SUCLG2: variants seen among roughly 807,000 people sequenced by gnomAD.
SUCLG2 encodes succinate-CoA ligase GDP-forming subunit beta.
Under a neutral mutation model 47.9 loss-of-function variants are expected in SUCLG2, and 42 were observed. The observed-to-expected ratio is 0.88, with a 90% CI of 0.69 to 1.14. SUCLG2 has a LOEUF of 1.14. Ranked by LOEUF, SUCLG2 falls within the 50% of genes most tolerant of loss-of-function variation. The probability of loss-of-function intolerance (pLI) is 0.00; values close to 1 mark genes in which losing one functional copy is unlikely to be tolerated. For synonymous variants in SUCLG2, 195 were observed against 197.3 expected (o/e 0.99, Z 0.10); for missense variants, 571 against 525.9 (o/e 1.09, Z -0.84).
intron 2 of SUCLG2, among the ~76,000 whole-genome samples, chr3:67,564,043 T>C (rs1024835010): frequency 2.0e-5 from 3 of 151,596 alleles, no homozygotes; most frequent in Admixed American, 6.6e-5. Context: ...TTAAGTGATA[T>C]CTGTGAAAGA....
chr3:67,619,145 C>A (rs1381708569), intron 1 of SUCLG2, among the ~76,000 whole-genome samples: 7 of 152,206 alleles, frequency 4.6e-5, no homozygotes, highest in Admixed American at 4.6e-4. Flanking sequence ...AGAATTCATT[C>A]TTCTTGGGGT....
intron 9 of SUCLG2, among the ~76,000 whole-genome samples, chr3:67,459,422 C>G (rs1214696443): frequency 6.6e-6 from 1 of 152,130 alleles, no homozygotes; most frequent in African/African-American, 2.4e-5. Flanking sequence ...AAAACTATTC[C>G]ATCTTCAAAA....
chr3:67,579,731 T>C (rs531366398), intron 2 of SUCLG2, among the ~76,000 whole-genome samples: 15 of 152,248 alleles, frequency 9.9e-5, no homozygotes, highest in African/African-American at 3.6e-4. Flanking sequence ...ATCAAATTTT[T>C]TAAACTTGAA....
At chr3:67,540,588 G>A (rs998822161) in intron 2 of SUCLG2, among the ~76,000 whole-genome samples, 16 of 152,152 alleles carry the variant, frequency 1.1e-4, no homozygotes, top group African/African-American at 3.6e-4. Context: ...CTGGGATAGA[G>A]CACCTGCCAG....
At chr3:67,382,264 A>T (rs78928032) in intron 10 of SUCLG2, among the ~76,000 whole-genome samples, 16 of 152,302 alleles carry the variant, frequency 1.1e-4, no homozygotes, top group Non-Finnish European at 7.3e-5. Flanking sequence ...CAGGAGAGGC[A>T]ACAAAAACAC....
intron 2 of SUCLG2, among the ~76,000 whole-genome samples, chr3:67,563,917 G>C (rs933143413): frequency 1.4e-5 from 2 of 145,528 alleles, no homozygotes; most frequent in African/African-American, 5.1e-5. Flanking sequence ...CGGAGATCTC[G>C]CTGCTGCACT....
intron 10 of SUCLG2, among the ~76,000 whole-genome samples, chr3:67,388,560 G>C (rs1702308281): frequency 6.6e-6 from 1 of 152,202 alleles, no homozygotes; most frequent in Non-Finnish European, 1.5e-5. Flanking sequence ...GAAGCATTCT[G>C]TTATAACTGT....
chr3:67,645,130 C>A (rs2107376557), intron 1 of SUCLG2, among the ~76,000 whole-genome samples: 1 of 152,206 alleles, frequency 6.6e-6, no homozygotes, highest in South Asian at 2.1e-4. Flanking sequence ...TCACTTGGGG[C>A]CCTTTAACAT....
chr3:67,396,389 A>G (rs1702531038), intron 10 of SUCLG2, among the ~76,000 whole-genome samples: 1 of 152,056 alleles, frequency 6.6e-6, no homozygotes, highest in Admixed American at 6.5e-5. Context: ...GAATACTACA[A>G]ACACCTCTAC....
intron 2 of SUCLG2, among the ~76,000 whole-genome samples, chr3:67,554,714 G>A (rs1707109890): frequency 6.6e-6 from 1 of 152,136 alleles, no homozygotes; most frequent in Non-Finnish European, 1.5e-5. Context: ...GGCTGGAGTT[G>A]CAATTTCATA....
At chr3:67,646,185 A>AGCCCT (rs1040745829) in intron 1 of SUCLG2, among the ~76,000 whole-genome samples, 5 of 152,072 alleles carry the variant, frequency 3.3e-5, no homozygotes, top group African/African-American at 1.2e-4. Context: ...CAGAGCCCTG[A>AGCCCT]GCCCTGCTTC....
At chr3:67,631,934 C>G (rs1700933013) in intron 1 of SUCLG2, among the ~76,000 whole-genome samples, 1 of 152,208 alleles carries the variant, frequency 6.6e-6, no homozygotes, top group Admixed American at 6.5e-5. Flanking sequence ...GGGCCACTGA[C>G]TTGCCTTCAT....
chr3:67,468,687 G>A (rs1473409233), intron 9 of SUCLG2, among the ~76,000 whole-genome samples: 2 of 152,014 alleles, frequency 1.3e-5, no homozygotes, highest in Admixed American at 6.6e-5. Context: ...CACACGGCTC[G>A]GGCTCCATCC....
intron 2 of SUCLG2, among the ~76,000 whole-genome samples, chr3:67,605,026 T>C (rs1267892086): frequency 6.6e-6 from 1 of 152,176 alleles, no homozygotes; most frequent in African/African-American, 2.4e-5. Context: ...ATCACAACAG[T>C]AGTGAACCTC....
chr3:67,540,605 C>T (rs771982889), intron 2 of SUCLG2, among the ~76,000 whole-genome samples: 4 of 152,192 alleles, frequency 2.6e-5, no homozygotes, highest in East Asian at 1.9e-4. Flanking sequence ...CCAGAAGGGG[C>T]GGCTGTGGGC....
At chr3:67,527,497 G>C (rs770444007) in intron 4 of SUCLG2, among the ~76,000 whole-genome samples, 4 of 150,892 alleles carry the variant, frequency 2.7e-5, no homozygotes, top group Non-Finnish European at 5.9e-5. Context: ...GTGAAAGGTA[G>C]ATTGGCAGGA....
rs1702000151 is a variant in SUCLG2, at chr3:67,374,723, A to G, written c.*1021T>C. The G allele has an allele frequency of 1.1e-6, 1 of 881,308 alleles. No individual in the cohort carries two copies. The highest frequency in any genetic ancestry group is 1.4e-6 in the Non-Finnish European group (1 of 735,496). 54.6% of individuals were successfully genotyped at this position (881,308 alleles called of 1,614,324 possible). ...AATGAGAGATACACACAGATCTTAC[A>G]GCTTACAAAACATAATTTTATTTAA... On this transcript the variant is annotated 3_prime_UTR_variant, in exon 11 of 11. Coordinates refer to ENST00000307227, the MANE Select transcript of SUCLG2 (RefSeq NM_003848.4).
intron 1 of SUCLG2, among the ~76,000 whole-genome samples, chr3:67,643,280 C>A (rs759983009): frequency 1.3e-4 from 20 of 152,190 alleles, no homozygotes; most frequent in Non-Finnish European, 2.5e-4. Flanking sequence ...ACTCACTTAT[C>A]ACCAGAAACT....
intron 2 of SUCLG2, among the ~76,000 whole-genome samples, chr3:67,529,608 G>A (rs776997872): frequency 1.3e-5 from 2 of 152,176 alleles, no homozygotes; most frequent in African/African-American, 2.4e-5. Flanking sequence ...TGGATTATGC[G>A]GGGGAAGGTT....
Sources: allele counts gnomAD v4.1 joint callset (sites outside exome capture counted in the v4.1 genomes callset), GRCh38; gene constraint gnomAD v4.1.1; transcripts MANE v1.5; gene names NCBI Gene and HGNC (gene_info 2026-07-23, HGNC 2026-07-21).